Variants in CES5A observed in about 807,000 individuals in gnomAD.
CES5A encodes the protein carboxylesterase 5A, also known as carboxylesterase 5.
In CES5A, 67 loss-of-function variants were observed where a neutral mutation model predicts 62.9. The ratio of observed to expected loss-of-function variants is 1.07; its 90% confidence interval spans 0.88 to 1.31. CES5A has a LOEUF of 1.31. Ranked by LOEUF, CES5A falls within the 50% of genes most tolerant of loss-of-function variation. The pLI is 0.00. For synonymous variants in CES5A, 296 were observed against 280.8 expected, an observed-to-expected ratio of 1.05 and a Z score of -0.54; for missense variants, 748 against 708.5, an observed-to-expected ratio of 1.06 and a Z score of -0.63.
intron 2 of CES5A, 92 bp from the exon 3 acceptor site, chr16:55,871,855 C>CGTCT (rs1337111732): frequency 7.3e-7 from 1 of 1,377,212 alleles, no homozygotes; most frequent in Non-Finnish European, 1.0e-6. Context: ...GAGGCCTGGC[C>CGTCT]GTCTCCTCTG....
At chr16:55,932,341 C>T (rs542660455) in intron 2 of CES5A, among the ~76,000 whole-genome samples, 1 of 152,210 alleles carries the variant, frequency 6.6e-6, no homozygotes, top group Non-Finnish European at 1.5e-5. Flanking sequence ...TTATAAATTG[C>T]CCAGTCTCAG....
At chr16:55,909,763 A>C (rs897165079) in intron 1 of CES5A, among the ~76,000 whole-genome samples, 6 of 152,144 alleles carry the variant, frequency 3.9e-5, no homozygotes, top group Admixed American at 3.3e-4. Context: ...CTGCCTGGGA[A>C]AGTTAGGAAA....
At chr16:55,918,809 T>A (rs2034172652) in intron 1 of CES5A, among the ~76,000 whole-genome samples, 1 of 152,180 alleles carries the variant, frequency 6.6e-6, no homozygotes. Context: ...AGCCTCTCAA[T>A]CTCAAGGTCT....
At chr16:55,910,698 A>G (rs1003020886) in intron 1 of CES5A, among the ~76,000 whole-genome samples, 1 of 152,216 alleles carries the variant, frequency 6.6e-6, no homozygotes, top group Non-Finnish European at 1.5e-5. Flanking sequence ...CTCAATGTAC[A>G]GATTTTCAAG....
intron 4 of CES5A, 200 bp downstream of exon 4, chr16:55,869,411 G>C: frequency 1.9e-6 from 2 of 1,026,468 alleles, no homozygotes; most frequent in Non-Finnish European, 2.6e-6. Flanking sequence ...ACCCAAGTGA[G>C]AAAGAGATTT....
upstream of CES5A, among the ~76,000 whole-genome samples, chr16:55,879,389 C>T (rs1441612788): frequency 6.6e-6 from 1 of 151,818 alleles, no homozygotes; most frequent in Non-Finnish European, 1.5e-5. Flanking sequence ...TACCACTGAA[C>T]TCTCACCAAT....
chr16:55,923,084 G>C (rs957990969), intron 1 of CES5A, among the ~76,000 whole-genome samples: 2 of 151,328 alleles, frequency 1.3e-5, no homozygotes, highest in Non-Finnish European at 3.0e-5. Flanking sequence ...TATTTAAAAA[G>C]TAGAAAGACT....
intron 2 of CES5A, among the ~76,000 whole-genome samples, chr16:55,937,971 A>G (rs1276239740): frequency 1.3e-5 from 2 of 152,206 alleles, no homozygotes; most frequent in East Asian, 3.8e-4. Flanking sequence ...AAATTTGCCA[A>G]ATACTATAGA....
intron 1 of CES5A, chr16:55,949,915 A>AAAT (rs1192749282): frequency 9.5e-6 from 11 of 1,158,992 alleles, no homozygotes; most frequent in South Asian, 6.3e-5. Flanking sequence ...GGAAAAAAAG[A>AAAT]AATAATAATA....
At chr16:55,906,137 T>C (rs938393540) in intron 1 of CES5A, among the ~76,000 whole-genome samples, 4 of 152,196 alleles carry the variant, frequency 2.6e-5, no homozygotes, top group African/African-American at 9.6e-5. Context: ...AGGAGTCTGT[T>C]ACAGACGATC....
chr16:55,911,457 C>G (rs2034092100), intron 1 of CES5A, among the ~76,000 whole-genome samples: 1 of 152,212 alleles, frequency 6.6e-6, no homozygotes, highest in African/African-American at 2.4e-5. Flanking sequence ...AATACTCACC[C>G]ATTTATTGTG....
chr16:55,948,989 C>T (rs1454036937), intron 2 of CES5A, among the ~76,000 whole-genome samples: 1 of 152,126 alleles, frequency 6.6e-6, no homozygotes, highest in Admixed American at 6.5e-5. Flanking sequence ...GGGGCCGTTG[C>T]CTCCCCATAC....
In CES5A at chr16:55,871,720, G is replaced by A. The variant is rs1429779784; in HGVS notation, c.322C>T (p.Leu108Phe). Residue 108 changes from leucine to phenylalanine, a missense_variant, in exon 3 of 13, where the codon CTC becomes TTC. Transcript: ENST00000290567. ...SEWLLLDQHM[L>F]KVHYPKFGVS... is the part of the protein sequence containing the mutation. ...CCGAATTTCGGGTAATGCACCTTGA[G>A]CATATGTTGATCTAAGAGCAGCCAC... 12 of 1,614,020 alleles carry A rather than the reference G, an allele frequency of 7.4e-6. No individual in the cohort carries two copies. The highest frequency in any genetic ancestry group is 2.2e-5 in the East Asian group (1 of 44,874).
intron 2 of CES5A, chr16:55,871,988 A>G (rs2033599574): frequency 2.0e-6 from 1 of 497,382 alleles, no homozygotes; most frequent in Admixed American, 3.2e-5. Flanking sequence ...AGGAAAGCAC[A>G]TGGTGTAGAA....
At chr16:55,894,498 CAA>C (rs370359945) in intron 1 of CES5A, among the ~76,000 whole-genome samples, 7 of 102,992 alleles carry the variant, frequency 6.8e-5, no homozygotes, top group Admixed American at 2.2e-4. Flanking sequence ...AACTCTGTCT[CAA>C]AAAAAAAAAA....
At chr16:55,880,495 C>A (rs1490189947) in intron 1 of CES5A, among the ~76,000 whole-genome samples, 2 of 152,180 alleles carry the variant, frequency 1.3e-5, no homozygotes, top group Non-Finnish European at 2.9e-5. Flanking sequence ...CCTGAGTAAT[C>A]TACCTTTTTA....
At chr16:55,849,522 A>T in intron 11 of CES5A, 102 bp downstream of exon 11, 1 of 1,246,802 alleles carries the variant, frequency 8.0e-7, no homozygotes, top group South Asian at 1.4e-5. Flanking sequence ...TATAAACCAC[A>T]GAGGTAATTA....
intron 1 of CES5A, among the ~76,000 whole-genome samples, chr16:55,953,300 T>A (rs1168362345): frequency 1.1e-4 from 17 of 152,184 alleles, no homozygotes; most frequent in Admixed American, 1.1e-3. Flanking sequence ...TAATCACTAT[T>A]ACTTTTCAAT....
intron 1 of CES5A, among the ~76,000 whole-genome samples, chr16:55,916,577 C>T (rs1413119795): frequency 1.3e-5 from 2 of 152,204 alleles, no homozygotes; most frequent in Admixed American, 6.5e-5. Context: ...ATTTAAACCA[C>T]ATGAGCCCCC....
Sources: gnomAD v4.1 joint callset for allele counts (sites outside exome capture counted in the v4.1 genomes callset) on GRCh38, gnomAD v4.1.1 for gene constraint, MANE v1.5 for transcripts, NCBI Gene and HGNC (gene_info 2026-07-23, HGNC 2026-07-21) for gene names.